The following FLVCR2 variants were observed in gnomAD, a reference collection of about 807,000 sequenced individuals.
FLVCR2 encodes the protein FLVCR choline and putative heme transporter 2.
FLVCR2 carries 38 observed loss-of-function variants against 48.9 expected under a neutral mutation model. That is an observed-to-expected ratio of 0.78 (90% confidence interval 0.60 to 1.02). The LOEUF (loss-of-function observed/expected upper bound fraction) is 1.02, where lower values mean the gene tolerates loss of function less well. Ranked by LOEUF, FLVCR2 falls within the 50% of genes least tolerant of loss-of-function variation. The probability of loss-of-function intolerance (pLI) is 0.00; values close to 1 mark genes in which losing one functional copy is unlikely to be tolerated. For synonymous variants in FLVCR2, 255 were observed against 257.0 expected (o/e 0.99, Z 0.07); for missense variants, 664 against 663.3 (o/e 1.00, Z -0.01).
intron 1 of FLVCR2, among the ~76,000 whole-genome samples, chr14:75,585,662 G>T (rs534117728): frequency 6.6e-6 from 1 of 152,160 alleles, no homozygotes; most frequent in Non-Finnish European, 1.5e-5. Context: ...CAAGGCAGGC[G>T]TCCCCGCGGT....
At chr14:75,595,701 A>G in intron 1 of FLVCR2, 2 of 604,360 alleles carry the variant, frequency 3.3e-6, no homozygotes, top group South Asian at 4.2e-5. Flanking sequence ...ATGACTGTCT[A>G]CTTTTTGTTT....
intron 1 of FLVCR2, chr14:75,595,857 A>G: frequency 1.0e-6 from 1 of 1,003,356 alleles, no homozygotes; most frequent in Middle Eastern, 3.1e-4. Flanking sequence ...AGTCCCCCTG[A>G]CTTTCCTCAT....
chr14:75,580,932 C>CTAT (rs1213794001), intron 1 of FLVCR2, among the ~76,000 whole-genome samples: 2 of 152,230 alleles, frequency 1.3e-5, no homozygotes, highest in African/African-American at 4.8e-5. Context: ...CCTGACATTC[C>CTAT]TGTCTTCTTA....
chr14:75,618,962 G>A (rs1314939277), intron 1 of FLVCR2, among the ~76,000 whole-genome samples: 15 of 150,806 alleles, frequency 9.9e-5, no homozygotes, highest in Admixed American at 5.3e-4. Flanking sequence ...AGTGGCTCAC[G>A]CCTGTAATCC....
At position 75,579,374 on chromosome 14, in the gene FLVCR2, C is replaced by T; in HGVS notation, c.402C>T (p.Tyr134=). Residue 134 remains tyrosine (Y), a synonymous_variant, in exon 1 of 10, where the codon TAC becomes TAT. Coordinates refer to ENST00000238667, the MANE Select transcript of FLVCR2 (RefSeq NM_017791.3). The part of the protein sequence containing the change: ...DWLSMCYMLT[Y]IPLLLPVAWL... ...TGTCCATGTGCTACATGCTGACTTA[C>T]ATCCCTCTGCTCCTGCCAGTGGCTT... The T allele has an allele frequency of 1.2e-6, 2 of 1,614,244 alleles. No homozygotes were observed. The highest frequency in any genetic ancestry group is 1.7e-6 in the Non-Finnish European group (2 of 1,180,046).
In FLVCR2 at chr14:75,639,432, G is replaced by C. The variant is rs747028559; in HGVS notation, c.1205G>C (p.Trp402Ser). The change falls in exon 6 of 10, where the codon TGG becomes TCG. Residue 402 changes from tryptophan (W) to serine (S), a missense_variant. Trp to Ser is a radical substitution (Grantham distance 177). Coordinates refer to ENST00000238667, the MANE Select transcript of FLVCR2 (RefSeq NM_017791.3). ...TTTACCTTGAACCTGGGACACCTGT[G>C]GGTAGTGTTCATCACTGCTGGCACA... is the stretch of plus-strand genomic sequence containing the variant. ...YTFTLNLGHLWVVFITAGTMG... is the reference protein window; with the variant it reads ...YTFTLNLGHLSVVFITAGTMG... 6.2e-7 allele frequency: 1 copy of C among 1,613,712 alleles called. No individual in the cohort carries two copies. Among genetic ancestry groups the C allele is most frequent in the South Asian group, 1.1e-5 (1 of 91,078 alleles).
At chr14:75,622,767 CTAA>C (rs1889797433) in intron 2 of FLVCR2, among the ~76,000 whole-genome samples, 1 of 151,096 alleles carries the variant, frequency 6.6e-6, no homozygotes, top group South Asian at 2.1e-4. Flanking sequence ...ATCCATAAAA[CTAA>C]TAATTTCATA....
At chr14:75,596,790 C>CA (rs1262966602) in intron 1 of FLVCR2, among the ~76,000 whole-genome samples, 3 of 124,658 alleles carry the variant, frequency 2.4e-5, no homozygotes, top group African/African-American at 8.8e-5. Context: ...GCCCCCCCCC[C>CA]CCGCCCCCAC....
chr14:75,635,275 C>G (rs1327141998), intron 5 of FLVCR2, among the ~76,000 whole-genome samples: 1 of 152,098 alleles, frequency 6.6e-6, no homozygotes, highest in East Asian at 1.9e-4. Context: ...TCCCCACTCT[C>G]TAAGTAGCTT....
intron 9 of FLVCR2, among the ~76,000 whole-genome samples, chr14:75,645,443 C>T (rs1280922784): frequency 6.6e-6 from 1 of 152,130 alleles, no homozygotes; most frequent in African/African-American, 2.4e-5. Flanking sequence ...CAGTATGTAC[C>T]TAGGGGCCCC....
chr14:75,585,032 T>TA (rs1399206091), intron 1 of FLVCR2, among the ~76,000 whole-genome samples: 1 of 151,542 alleles, frequency 6.6e-6, no homozygotes, highest in Admixed American at 6.6e-5. Flanking sequence ...ATAGAAAGAT[T>TA]ATAGGGTGGG....
chr14:75,613,621 G>A (rs1329235770), intron 1 of FLVCR2, among the ~76,000 whole-genome samples: 2 of 152,032 alleles, frequency 1.3e-5, no homozygotes, highest in Non-Finnish European at 2.9e-5. Context: ...GCACATCTTG[G>A]CCCACTGCAA....
chr14:75,636,276 G>A (rs1032754959), intron 5 of FLVCR2, among the ~76,000 whole-genome samples: 9 of 152,214 alleles, frequency 5.9e-5, no homozygotes, highest in Non-Finnish European at 1.3e-4. Flanking sequence ...CATTCTGGCT[G>A]CCCTAATCAA....
intron 1 of FLVCR2, among the ~76,000 whole-genome samples, chr14:75,595,178 A>C (rs1407934639): frequency 1.3e-5 from 2 of 152,242 alleles, no homozygotes; most frequent in African/African-American, 2.4e-5. Context: ...CAAGTTGTCA[A>C]TATAATAAAG....
chr14:75,594,747 G>T (rs1416726293), intron 1 of FLVCR2, among the ~76,000 whole-genome samples: 2 of 150,432 alleles, frequency 1.3e-5, no homozygotes, highest in Non-Finnish European at 3.0e-5. Flanking sequence ...AAGAGACAAG[G>T]TCTCACTCTG....
intron 1 of FLVCR2, among the ~76,000 whole-genome samples, chr14:75,582,395 G>A (rs1463614919): frequency 1.3e-5 from 2 of 152,196 alleles, no homozygotes; most frequent in Non-Finnish European, 2.9e-5. Flanking sequence ...TTGGCTTGCT[G>A]AGAGGTAGTG....
rs772099227 is a variant in FLVCR2, at chr14:75,648,042, A to AC, written c.*1571dup. The AC allele has an allele frequency of 1.3e-5, 2 of 152,726 alleles. No individual in the cohort carries two copies. The highest frequency in any genetic ancestry group is 2.9e-5 in the Non-Finnish European group (2 of 68,042). The allele number at this position is 152,726 out of a possible 1,614,324, so 9.5% of individuals were successfully genotyped here. On this transcript the variant is annotated 3_prime_UTR_variant, in exon 10 of 10. Coordinates refer to ENST00000238667, the MANE Select transcript of FLVCR2 (RefSeq NM_017791.3). Reference sequence around the variant, plus strand: ...CTTTTTGATAAAGAGAAAGATGTTTACTCATAAACCCTTCAAAAGGTATTA... The same window carrying AC: ...CTTTTTGATAAAGAGAAAGATGTTTACCTCATAAACCCTTCAAAAGGTATTA...
intron 1 of FLVCR2, among the ~76,000 whole-genome samples, chr14:75,581,378 CT>C (rs1487031961): frequency 6.6e-6 from 1 of 152,126 alleles, no homozygotes; most frequent in Non-Finnish European, 1.5e-5. Flanking sequence ...ACAGAGTCCT[CT>C]TTTTTAAGTT....
At chr14:75,644,081 G>A (rs771843599) in intron 9 of FLVCR2, among the ~76,000 whole-genome samples, 3 of 151,428 alleles carry the variant, frequency 2.0e-5, no homozygotes, top group Non-Finnish European at 4.4e-5. Flanking sequence ...TGGTACACTT[G>A]GGTAAATATA....
Sources: allele counts gnomAD v4.1 joint callset (sites outside exome capture counted in the v4.1 genomes callset), GRCh38; gene constraint gnomAD v4.1.1; transcripts MANE v1.5; gene names NCBI Gene and HGNC (gene_info 2026-07-23, HGNC 2026-07-21).